The following TSPAN2 variants were observed in gnomAD, a reference collection of about 807,000 sequenced individuals.
The protein encoded by TSPAN2 is tetraspanin-2.
A neutral mutation model predicts 33.3 loss-of-function variants in TSPAN2; 24 were observed. The ratio of observed to expected loss-of-function variants is 0.72; its 90% CI spans 0.52 to 1.01. The LOEUF (loss-of-function observed/expected upper bound fraction) is 1.01, where lower values mean the gene tolerates loss of function less well. TSPAN2 is among the 50% of genes least tolerant of loss of function. The pLI is 0.00. For synonymous variants in TSPAN2, 114 were observed against 104.5 expected (o/e 1.09, Z -0.56); for missense variants, 278 against 281.3 (o/e 0.99, Z 0.08).
chr1:115,071,139 C>A (rs565658233), intron 2 of TSPAN2, among the ~76,000 whole-genome samples: 11 of 152,204 alleles, frequency 7.2e-5, no homozygotes, highest in Non-Finnish European at 1.2e-4. Context: ...GGAGCCCAGG[C>A]CCCTCCCCAG....
intron 2 of TSPAN2, among the ~76,000 whole-genome samples, chr1:115,067,669 G>T (rs1475275265): frequency 6.6e-6 from 1 of 152,068 alleles, no homozygotes; most frequent in Non-Finnish European, 1.5e-5. Flanking sequence ...TCAGAGCCAG[G>T]CTTGGAGACT....
At chr1:115,072,621 A>G (rs1648225258) in intron 2 of TSPAN2, among the ~76,000 whole-genome samples, 1 of 152,110 alleles carries the variant, frequency 6.6e-6, no homozygotes, top group Admixed American at 6.5e-5. Context: ...ACAAAGCACA[A>G]CAGGCTGCTC....
At chr1:115,081,877 A>G (rs376335952) in intron 1 of TSPAN2, among the ~76,000 whole-genome samples, 1 of 152,186 alleles carries the variant, frequency 6.6e-6, no homozygotes, top group Non-Finnish European at 1.5e-5. Flanking sequence ...TTTTAGATCC[A>G]CACTCCCTCT....
chr1:115,060,881 T>G (rs2101028414), intron 3 of TSPAN2, among the ~76,000 whole-genome samples: 3 of 152,314 alleles, frequency 2.0e-5, no homozygotes, highest in Admixed American at 2.0e-4. Context: ...ACCTGGCACC[T>G]ACGTGCTTAG....
chr1:115,059,414 T>C (rs1168249227), intron 4 of TSPAN2, among the ~76,000 whole-genome samples: 1 of 152,252 alleles, frequency 6.6e-6, no homozygotes, highest in East Asian at 1.9e-4. Flanking sequence ...TTTCATGGAC[T>C]AGAAAGATTT....
At chr1:115,089,340 G>A (rs975308178) in intron 1 of TSPAN2, 24 bp downstream of exon 1, 21 of 1,396,800 alleles carry the variant, frequency 1.5e-5, no homozygotes, top group South Asian at 1.2e-4. Context: ...TGCCCTGACC[G>A]GCCCTCCCGG....
chr1:115,066,513 C>A (rs1255899866), intron 2 of TSPAN2, among the ~76,000 whole-genome samples: 1 of 152,114 alleles, frequency 6.6e-6, no homozygotes, highest in Non-Finnish European at 1.5e-5. Context: ...TTCTTTTAAG[C>A]TAGAAACATC....
chr1:115,068,295 G>A (rs953853941), intron 2 of TSPAN2, among the ~76,000 whole-genome samples: 2 of 152,128 alleles, frequency 1.3e-5, no homozygotes, highest in Non-Finnish European at 2.9e-5. Context: ...AGGGAAACTC[G>A]CTCCATCCCC....
chr1:115,089,466 GGCCCGCGCTACGA>G lies in TSPAN2; in HGVS notation c.-47_-35del. On this transcript the variant is annotated 5_prime_UTR_variant, in exon 1 of 8. Coordinates refer to ENST00000369516, the MANE Select transcript of TSPAN2 (RefSeq NM_005725.6). ...CCGGCGGCGGGATCCCCAGTCCCCA[GGCCCGCGCTACGA>G]GCGCGGGGAGCGGCAGGCTCCGGCG... 6.9e-7 allele frequency: 1 copy of G among 1,445,282 alleles called. No individual in the cohort carries two copies. 89.5% of individuals were successfully genotyped at this position (1,445,282 alleles called of 1,614,324 possible).
chr1:115,059,432 T>C (rs1647576562), intron 4 of TSPAN2, among the ~76,000 whole-genome samples: 2 of 152,230 alleles, frequency 1.3e-5, no homozygotes, highest in Non-Finnish European at 2.9e-5. Context: ...TTTCTGACAG[T>C]TCCCAAGCCC....
At position 115,081,274 on chromosome 1, in the gene TSPAN2, A is replaced by G. The variant is rs544384773; in HGVS notation, c.69+8090T>C. Among the ~76,000 whole-genome samples, 3 of 152,284 alleles carry G rather than the reference A, an allele frequency of 2.0e-5. No individual in the cohort carries two copies. In the East Asian group the frequency reaches 5.8e-4, roughly 29 times the overall value. On this transcript the variant is annotated intron_variant, in intron 1 of 7. Transcript: ENST00000369516. ...AGGCTAGATAGACTCTGGCGGGAGC[A>G]GGGAGACAAAGTCGGCTTCCTGGAT...
At chr1:115,072,245 A>G (rs911939334) in intron 2 of TSPAN2, among the ~76,000 whole-genome samples, 1 of 151,994 alleles carries the variant, frequency 6.6e-6, no homozygotes, top group African/African-American at 2.4e-5. Context: ...CCCTTCCTAC[A>G]GAGGTGGGGT....
At chr1:115,072,642 C>T in intron 2 of TSPAN2, among the ~76,000 whole-genome samples, 1 of 152,178 alleles carries the variant, frequency 6.6e-6, no homozygotes, top group East Asian at 1.9e-4. Context: ...TTACCAGCCC[C>T]AGACTCCCTT....
intron 1 of TSPAN2, among the ~76,000 whole-genome samples, chr1:115,080,455 G>A (rs562797490): frequency 6.6e-6 from 1 of 152,050 alleles, no homozygotes; most frequent in South Asian, 2.1e-4. Flanking sequence ...TCTATTTTTT[G>A]GTAGAGATGG....
chr1:115,079,013 C>A (rs1387266670), intron 1 of TSPAN2, among the ~76,000 whole-genome samples: 1 of 152,120 alleles, frequency 6.6e-6, no homozygotes, highest in Non-Finnish European at 1.5e-5. Flanking sequence ...TTTTCCTAAG[C>A]CTGCAGGAAT....
chr1:115,063,082 T>C (rs896156030), intron 2 of TSPAN2, among the ~76,000 whole-genome samples: 1 of 152,200 alleles, frequency 6.6e-6, no homozygotes, highest in Non-Finnish European at 1.5e-5. Context: ...CATGAGGGAA[T>C]GGATGTGGTA....
intron 2 of TSPAN2, among the ~76,000 whole-genome samples, chr1:115,070,901 A>G (rs2101037712): frequency 6.6e-6 from 1 of 152,274 alleles, no homozygotes; most frequent in African/African-American, 2.4e-5. Context: ...ATTCTTATAC[A>G]TTTTTGTGTG....
At position 115,087,342 on chromosome 1, in the gene TSPAN2, G is replaced by A. The variant is rs540383231; in HGVS notation, c.69+2022C>T. 7.2e-5 allele frequency among the ~76,000 whole-genome samples: 11 copies of A among 151,912 alleles called. No homozygotes were observed. In the South Asian group the frequency reaches 8.3e-4, roughly 11 times the overall value. On this transcript the variant is annotated intron_variant, in intron 1 of 7. Coordinates refer to ENST00000369516, the MANE Select transcript of TSPAN2 (RefSeq NM_005725.6). ...CTTAAGAGAAGGTAGGCGGCCAGGC[G>A]CGGTGGCTCACGCCTGTAATCTCAG... is the stretch of plus-strand genomic sequence containing the variant.
intron 4 of TSPAN2, 83 bp from the exon 5 acceptor site, chr1:115,059,064 C>T: frequency 9.5e-7 from 1 of 1,047,510 alleles, no homozygotes; most frequent in South Asian, 1.3e-5. Context: ...ATCTCCTCTT[C>T]CACACCTTTG....
Sources: allele counts gnomAD v4.1 joint callset (sites outside exome capture counted in the v4.1 genomes callset), GRCh38; gene constraint gnomAD v4.1.1; transcripts MANE v1.5; gene names NCBI Gene and HGNC (gene_info 2026-07-23, HGNC 2026-07-21).